CSMD1: variants seen among roughly 807,000 people sequenced by gnomAD.
CSMD1 encodes CUB and sushi domain-containing protein 1.
CSMD1 carries 213 observed loss-of-function variants against 417.5 expected under a neutral mutation model. The ratio of observed to expected loss-of-function variants is 0.51; its 90% CI spans 0.46 to 0.57. The LOEUF is 0.57. CSMD1 is among the 20% of genes least tolerant of loss of function. The pLI is 0.00. For missense variants in CSMD1, 6,923 were observed against 4,529.7 expected (o/e 1.53, Z -15.17); for synonymous variants, 2,862 against 1,736.8 (o/e 1.65, Z -16.11).
intron 10 of CSMD1, among the ~76,000 whole-genome samples, chr8:3,547,965 C>G (rs10105627): frequency 0.021 from 3,182 of 152,092 alleles, 100 homozygotes; most frequent in African/African-American, 0.072. Context: ...ACAACTTCAA[C>G]CTATTTGGAT....
intron 3 of CSMD1, among the ~76,000 whole-genome samples, chr8:4,314,560 G>C (rs927538546): frequency 1.3e-5 from 2 of 151,812 alleles, no homozygotes; most frequent in Non-Finnish European, 2.9e-5. Context: ...CTAAACTCCA[G>C]TCCACAATCA....
intron 25 of CSMD1, among the ~76,000 whole-genome samples, chr8:3,296,427 G>C (rs1440355912): frequency 6.6e-6 from 1 of 152,098 alleles, no homozygotes; most frequent in African/African-American, 2.4e-5. Flanking sequence ...GTGGGAGAGA[G>C]GTGCCTACGC....
chr8:3,358,488 G>T (rs13272616), intron 21 of CSMD1, among the ~76,000 whole-genome samples: 1 of 151,998 alleles, frequency 6.6e-6, no homozygotes, highest in African/African-American at 2.4e-5. Flanking sequence ...TTCTTAGAGT[G>T]GCACAGTTCC....
intron 1 of CSMD1, among the ~76,000 whole-genome samples, chr8:4,983,634 T>C (rs961053603): frequency 6.6e-6 from 1 of 152,156 alleles, no homozygotes; most frequent in African/African-American, 2.4e-5. Context: ...GCGATTCTCC[T>C]GCCTCAACCT....
At chr8:3,536,322 C>G (rs920774682) in intron 10 of CSMD1, among the ~76,000 whole-genome samples, 3 of 152,160 alleles carry the variant, frequency 2.0e-5, no homozygotes. Flanking sequence ...TTTAAAATGG[C>G]AGCCTGTGGC....
chr8:4,135,485 T>A (rs528928536), intron 3 of CSMD1, among the ~76,000 whole-genome samples: 1 of 151,484 alleles, frequency 6.6e-6, no homozygotes, highest in African/African-American at 2.4e-5. Context: ...ACACTAAATA[T>A]CCCCACATAT....
rs1224876436 is a variant in CSMD1, at chr8:4,383,818, G to A, written c.415+36135C>T. ...GCTACATATATAATACCAAATTATT[G>A]TGAAAGTGGAACTTGAAAATAATAA... is the stretch of plus-strand genomic sequence containing the variant. On this transcript the variant is annotated intron_variant, in intron 3 of 69. Transcript: ENST00000635120. 3.3e-5 allele frequency among the ~76,000 whole-genome samples: 5 copies of A among 152,012 alleles called. No individual in the cohort carries two copies. The East Asian group carries it at 9.6e-4, about 29-fold the overall frequency.
intron 1 of CSMD1, among the ~76,000 whole-genome samples, chr8:4,936,222 G>C (rs1246084082): frequency 6.6e-6 from 1 of 152,182 alleles, no homozygotes; most frequent in African/African-American, 2.4e-5. Context: ...ATAAAGATTA[G>C]TTAAAATGTG....
chr8:4,176,520 A>C (rs910978352), intron 3 of CSMD1, among the ~76,000 whole-genome samples: 1 of 152,066 alleles, frequency 6.6e-6, no homozygotes, highest in African/African-American at 2.4e-5. Context: ...TCACTGTGAC[A>C]TATCAATCAC....
intron 10 of CSMD1, among the ~76,000 whole-genome samples, chr8:3,535,230 G>C (rs922323683): frequency 2.6e-5 from 4 of 152,116 alleles, no homozygotes; most frequent in Admixed American, 1.3e-4. Flanking sequence ...TAGGATTACA[G>C]GCATGAGCCA....
chr8:3,554,943 G>A (rs975949177), intron 10 of CSMD1, among the ~76,000 whole-genome samples: 2 of 151,996 alleles, frequency 1.3e-5, no homozygotes, highest in African/African-American at 2.4e-5. Context: ...AGTGGGTCAG[G>A]GGTGTTAAAG....
At chr8:4,937,050 A>G (rs935083115) in intron 1 of CSMD1, among the ~76,000 whole-genome samples, 2 of 152,092 alleles carry the variant, frequency 1.3e-5, no homozygotes, top group African/African-American at 4.8e-5. Flanking sequence ...GTCTGTATGA[A>G]CAATTAAAAA....
chr8:4,824,164 T>C (rs1433063039), intron 1 of CSMD1, among the ~76,000 whole-genome samples: 2 of 151,818 alleles, frequency 1.3e-5, no homozygotes, highest in African/African-American at 2.4e-5. Flanking sequence ...TTGATGCCTA[T>C]ATATATTTTT....
intron 1 of CSMD1, among the ~76,000 whole-genome samples, chr8:4,687,834 C>G (rs1351123309): frequency 2.2e-5 from 2 of 91,654 alleles, no homozygotes; most frequent in African/African-American, 4.8e-5. Context: ...CACATACATA[C>G]ATACACACAC....
chr8:3,749,000 A>C (rs537856375), intron 6 of CSMD1, among the ~76,000 whole-genome samples: 1 of 152,338 alleles, frequency 6.6e-6, no homozygotes, highest in Non-Finnish European at 1.5e-5. Flanking sequence ...TCATTTTATG[A>C]AAATTGTAAT....
At chr8:3,666,712 A>G (rs1303268638) in intron 7 of CSMD1, among the ~76,000 whole-genome samples, 1 of 152,184 alleles carries the variant, frequency 6.6e-6, no homozygotes, top group Non-Finnish European at 1.5e-5. Flanking sequence ...TGTCTTTATA[A>G]GGGGAAACCC....
At chr8:3,065,239 G>A (rs1295972403) in intron 49 of CSMD1, among the ~76,000 whole-genome samples, 5 of 152,042 alleles carry the variant, frequency 3.3e-5, no homozygotes, top group African/African-American at 9.7e-5. Flanking sequence ...AGAGTAGATA[G>A]AAAGATAGGA....
chr8:4,680,617 G>C (rs1235143223), intron 1 of CSMD1, among the ~76,000 whole-genome samples: 2 of 152,062 alleles, frequency 1.3e-5, no homozygotes, highest in Non-Finnish European at 2.9e-5. Context: ...GTCTTCCTCT[G>C]TTGCCAGGCT....
intron 6 of CSMD1, among the ~76,000 whole-genome samples, chr8:3,725,072 G>C (rs547840545): frequency 6.6e-6 from 1 of 152,330 alleles, no homozygotes; most frequent in South Asian, 2.1e-4. Context: ...GAGGCAGGAG[G>C]TTAAGGGCCC....
Sources: gnomAD v4.1 joint callset for allele counts (sites outside exome capture counted in the v4.1 genomes callset) on GRCh38, gnomAD v4.1.1 for gene constraint, MANE v1.5 for transcripts, NCBI Gene and HGNC (gene_info 2026-07-23, HGNC 2026-07-21) for gene names.